DDX21: variants seen among roughly 807,000 people sequenced by gnomAD.
The protein encoded by DDX21 is nucleolar RNA helicase 2.
Under a neutral mutation model 90.0 loss-of-function variants are expected in DDX21, and 18 were observed. The ratio of observed to expected loss-of-function variants is 0.20; its 90% CI spans 0.14 to 0.30. DDX21 has a LOEUF of 0.30. DDX21 is among the 10% of genes least tolerant of loss of function. DDX21 has a pLI of 1.00. For missense variants in DDX21, 673 were observed against 944.5 expected, an observed-to-expected ratio of 0.71 and a Z score of 3.77; for synonymous variants, 294 against 318.0, an observed-to-expected ratio of 0.92 and a Z score of 0.80.
Position 68,982,705 on chromosome 10 carries a change from G to A in DDX21, c.2245G>A (p.Glu749Lys), listed in dbSNP as rs771438821. 5 of 1,614,096 alleles carry A rather than the reference G, an allele frequency of 3.1e-6. No individual in the cohort carries two copies. In the South Asian group the frequency reaches 4.4e-5, roughly 14 times the overall value. Reference sequence around the variant, plus strand: ...AAACAGAAGATTCAGAGGACAGCGGGAAGGCAGTAGAGGCCCGAGAGGACA... The same window carrying A: ...AAACAGAAGATTCAGAGGACAGCGGAAAGGCAGTAGAGGCCCGAGAGGACA... ...DGNRRFRGQR[E>K]GSRGPRGQRS... The change falls in exon 15 of 15, where the codon GAA (glutamate) becomes AAA (lysine). Residue 749 changes from glutamate (E) to lysine (K), a missense_variant. Physicochemically the swap from Glu to Lys is moderately conservative, Grantham distance 56. Around this residue, in one of 4 missense-constraint regions of DDX21, gnomAD observed 225 missense variants for 298.8 expected, o/e 0.75. Transcript: ENST00000354185.
chr10:68,981,284 T>C (rs1237519066), intron 13 of DDX21, among the ~76,000 whole-genome samples: 3 of 152,226 alleles, frequency 2.0e-5, no homozygotes. Flanking sequence ...GTGTAATAGC[T>C]AAGACTCTGT....
At position 68,956,250 on chromosome 10, in the gene DDX21, G is replaced by A. The variant is rs143845658; in HGVS notation, c.25G>A (p.Ala9Thr). ...GATGCCGGGAAAACTCCGTAGTGAC[G>A]CTGGTTTGGAATCAGACACCGCAAT... Reference protein sequence around the residue: MPGKLRSDAGLESDTAMKK... With the variant: MPGKLRSDTGLESDTAMKK... Residue 9 changes from alanine (A) to threonine (T), a missense_variant, in exon 1 of 15, where the codon GCT becomes ACT. By Grantham distance (58) the Ala-to-Thr change is moderately conservative (BLOSUM62 0). This residue lies in a region of DDX21 where 204 missense variants were observed against 221.6 expected (regional missense o/e 0.92). Transcript: ENST00000354185. 39 of 1,614,064 alleles carry A rather than the reference G, an allele frequency of 2.4e-5. No individual in the cohort carries two copies. Among genetic ancestry groups the A allele is most frequent in the Non-Finnish European group, 3.0e-5 (35 of 1,180,038 alleles).
At position 68,963,462 on chromosome 10, in the gene DDX21, C is replaced by A; in HGVS notation, c.779C>A (p.Ala260Asp). ...CTGCAAGACAGGAAGAGAGGCCGTGCCCCTCAGGTAACTGTCTTAAATACA... is the reference window on the plus strand; with the variant it reads ...CTGCAAGACAGGAAGAGAGGCCGTGACCCTCAGGTAACTGTCTTAAATACA... ...GELQDRKRGR[A>D]PQVLVLAPTR... The change falls in exon 4 of 15, where the codon GCC (alanine) becomes GAC (aspartate). Residue 260 changes from alanine (A) to aspartate (D), a missense_variant. Ala to Asp is a moderately radical substitution (Grantham distance 126). This residue lies in a region of DDX21 where 218 missense variants were observed against 347.3 expected (regional missense o/e 0.63). Transcript: ENST00000354185. The A allele has an allele frequency of 1.2e-6, 2 of 1,610,186 alleles. No homozygotes were observed. The highest frequency in any genetic ancestry group is 2.2e-5 in the South Asian group (2 of 90,558).
At chr10:68,975,700 G>A (rs571874543) in intron 11 of DDX21, among the ~76,000 whole-genome samples, 1 of 152,238 alleles carries the variant, frequency 6.6e-6, no homozygotes, top group East Asian at 1.9e-4. Flanking sequence ...CACTTTGGGA[G>A]GCTGGGGTAG....
At chr10:68,961,188 G>A (rs1842868698) in intron 2 of DDX21, among the ~76,000 whole-genome samples, 1 of 152,196 alleles carries the variant, frequency 6.6e-6, no homozygotes, top group Non-Finnish European at 1.5e-5. Context: ...TCCCGCCTAA[G>A]CCTCCCGAGT....
chr10:68,968,214 GGCTATA>G (rs1564627454), intron 6 of DDX21, among the ~76,000 whole-genome samples: 1 of 151,668 alleles, frequency 6.6e-6, no homozygotes, highest in Non-Finnish European at 1.5e-5. Flanking sequence ...CTGTCACTCA[GGCTATA>G]GTACAGTGGC....
chr10:68,959,917 G>T lies in DDX21; in HGVS notation c.199G>T (p.Val67Phe). 1 of 1,609,000 alleles carries T rather than the reference G, an allele frequency of 6.2e-7. No individual in the cohort carries two copies. The highest frequency in any genetic ancestry group is 8.5e-7 in the Non-Finnish European group (1 of 1,179,148). ...TAAAAAGAAAGCAGAGCCTTCTGAA[G>T]TTGACATGAATTCTCCTAAATCCAA... ...QVKKKAEPSEVDMNSPKSKKA... is the reference protein window; with the variant it reads ...QVKKKAEPSEFDMNSPKSKKA... Residue 67 changes from valine to phenylalanine, a missense_variant, in exon 2 of 15, where the codon GTT becomes TTT. By Grantham distance (50) the Val-to-Phe change is conservative. Transcript: ENST00000354185.
chr10:68,964,964 T>G (rs1340068956), intron 4 of DDX21, among the ~76,000 whole-genome samples: 2 of 152,116 alleles, frequency 1.3e-5, no homozygotes, highest in Non-Finnish European at 2.9e-5. Context: ...TTTATATATA[T>G]ATAGATCAAA....
chr10:68,972,504 A>G (rs1200995930), intron 9 of DDX21, among the ~76,000 whole-genome samples: 1 of 152,218 alleles, frequency 6.6e-6, no homozygotes, highest in African/African-American at 2.4e-5. Context: ...ACGTAAATAA[A>G]GGTTGTTCCA....
chr10:68,967,236 G>C, intron 6 of DDX21, 33 bp downstream of exon 6: 1 of 1,592,402 alleles, frequency 6.3e-7, no homozygotes, highest in Non-Finnish European at 8.6e-7. Context: ...TGATAAAAAA[G>C]ACCAAAGGAA....
chr10:68,968,341 A>C (rs1842970411), intron 6 of DDX21, among the ~76,000 whole-genome samples: 1 of 152,068 alleles, frequency 6.6e-6, no homozygotes, highest in African/African-American at 2.4e-5. Flanking sequence ...ATTGATAGAG[A>C]CAGGGTCTCA....
At position 68,975,255 on chromosome 10, in the gene DDX21, G is replaced by A. The variant is rs193207212; in HGVS notation, c.1742+512G>A. ...ATGAAAGTTGATTGCTTCGTTAATA[G>A]TAAATGTCTAGATGGTGAGGATTAG... On this transcript the variant is annotated intron_variant, in intron 11 of 14. Coordinates refer to ENST00000354185, the MANE Select transcript of DDX21 (RefSeq NM_004728.4). 1.3e-3 allele frequency among the ~76,000 whole-genome samples: 194 copies of A among 152,310 alleles called. 1 individual carries two copies. The highest frequency in any genetic ancestry group is 0.013 in the Admixed American group (194 of 15,292).
rs1843146134 is a variant in DDX21, at chr10:68,978,897, C to T, written c.1958C>T (p.Ala653Val). ...CSIEMPNISY[A>V]WKELKEQLGE... ...ATTGAAATGCCAAATATTAGTTATG[C>T]TTGGAAAGAACTTAAAGAGCAGCTG... The change falls in exon 13 of 15, where the codon GCT (alanine) becomes GTT (valine). Residue 653 changes from alanine to valine, a missense_variant. Around this residue, in one of 4 missense-constraint regions of DDX21, gnomAD observed 225 missense variants for 298.8 expected, o/e 0.75. Transcript: ENST00000354185. 1.9e-6 allele frequency: 3 copies of T among 1,613,994 alleles called. No homozygotes were observed. Among genetic ancestry groups the T allele is most frequent in the Non-Finnish European group, 1.7e-6 (2 of 1,180,030 alleles).
At chr10:68,978,339 CA>C (rs200695311) in intron 12 of DDX21, among the ~76,000 whole-genome samples, 1 of 151,274 alleles carries the variant, frequency 6.6e-6, no homozygotes, top group African/African-American at 2.4e-5. Flanking sequence ...CTAAAACAAA[CA>C]AAAAAAACAC....
At chr10:68,970,484 A>AAT in intron 8 of DDX21, 134 bp downstream of exon 8, 7 of 750,752 alleles carry the variant, frequency 9.3e-6, no homozygotes, top group Non-Finnish European at 1.3e-5. Context: ...AGAGGAAGCT[A>AAT]CTTTTTTTTT....
At chr10:68,959,166 T>A (rs576860567) in intron 1 of DDX21, among the ~76,000 whole-genome samples, 1 of 152,190 alleles carries the variant, frequency 6.6e-6, no homozygotes, top group Non-Finnish European at 1.5e-5. Context: ...TGGAGCCTGT[T>A]GGAGTATCCC....
In DDX21 at chr10:68,970,317, C is replaced by T; in HGVS notation, c.1353C>T (p.Ala451=). The change falls in exon 8 of 15, where the codon GCC becomes GCT. Residue 451 remains alanine, a synonymous_variant. Transcript: ENST00000354185. ...TIIFCETKKE[A]QELSQNSAIK... ...TCTTTTGTGAAACCAAGAAAGAAGCCCAGGAGCTGTCCCAGAATTCAGCTA... is the reference window on the plus strand; with the variant it reads ...TCTTTTGTGAAACCAAGAAAGAAGCTCAGGAGCTGTCCCAGAATTCAGCTA... 6.2e-7 allele frequency: 1 copy of T among 1,613,958 alleles called. No homozygotes were observed. The highest frequency in any genetic ancestry group is 8.5e-7 in the Non-Finnish European group (1 of 1,179,974).
intron 1 of DDX21, among the ~76,000 whole-genome samples, chr10:68,958,479 C>A (rs1404581030): frequency 6.6e-6 from 1 of 152,012 alleles, no homozygotes. Flanking sequence ...CTGTGTCGCC[C>A]AGGCTGGAGT....
intron 11 of DDX21, among the ~76,000 whole-genome samples, chr10:68,976,797 T>C (rs1252680636): frequency 6.6e-6 from 1 of 152,164 alleles, no homozygotes. Flanking sequence ...CTTTCTCCCC[T>C]TTTTACTGGA....
Sources: gnomAD v4.1 joint callset for allele counts (sites outside exome capture counted in the v4.1 genomes callset) on GRCh38, gnomAD v4.1.1 for gene constraint, gnomAD v4.1.1 regional missense constraint, MANE v1.5 for transcripts, NCBI Gene and HGNC (gene_info 2026-07-23, HGNC 2026-07-21) for gene names.